Variants in SOX6 observed in about 807,000 individuals in gnomAD.
SOX6 encodes SRY-box transcription factor 6.
A neutral mutation model predicts 97.8 loss-of-function variants in SOX6; 11 were observed. The ratio of observed to expected loss-of-function variants is 0.11; its 90% CI spans 0.07 to 0.19. The LOEUF (loss-of-function observed/expected upper bound fraction) is 0.19. Among genes scored for constraint, SOX6 ranks in the 10% least tolerant of loss-of-function variants. The probability of loss-of-function intolerance (pLI) is 1.00; values close to 1 mark genes in which losing one functional copy is unlikely to be tolerated. For missense variants in SOX6, 810 were observed against 1,039.5 expected, an observed-to-expected ratio of 0.78 and a Z score of 3.04; for synonymous variants, 360 against 371.4, an observed-to-expected ratio of 0.97 and a Z score of 0.35.
At chr11:16,132,350 GA>G (rs1849786319) in intron 6 of SOX6, among the ~76,000 whole-genome samples, 3 of 53,192 alleles carry the variant, frequency 5.6e-5, no homozygotes, top group African/African-American at 2.6e-4. Flanking sequence ...AAGAAAGAAA[GA>G]AAGAAAGAAA....
chr11:16,664,968 T>C (rs768547130), intron 3 of SOX6, among the ~76,000 whole-genome samples: 1 of 151,770 alleles, frequency 6.6e-6, no homozygotes, highest in Non-Finnish European at 1.5e-5. Context: ...ACCTCATACC[T>C]TGAAGGTAAG....
chr11:16,406,448 C>T (rs1207778949), intron 1 of SOX6, among the ~76,000 whole-genome samples: 1 of 152,104 alleles, frequency 6.6e-6, no homozygotes, highest in Non-Finnish European at 1.5e-5. Flanking sequence ...TTGTGGTTGG[C>T]CTTGGCTGGG....
At chr11:16,514,512 G>T (rs1003224966) in intron 4 of SOX6, among the ~76,000 whole-genome samples, 1 of 151,718 alleles carries the variant, frequency 6.6e-6, no homozygotes, top group African/African-American at 2.4e-5. Flanking sequence ...TTATAAAATA[G>T]ATAATATATA....
Position 16,528,201 on chromosome 11 carries a change from G to A in SOX6, n.610-51813C>T, listed in dbSNP as rs571261058. Among the ~76,000 whole-genome samples, 9 of 152,112 alleles carry A rather than the reference G, an allele frequency of 5.9e-5. No homozygotes were observed. In the South Asian group the frequency reaches 1.7e-3, roughly 28 times the overall value. ...TCTAAAAGTCTGCTCATAATTACAT[G>A]GCCAAAGTCAATGGGAAGGAGGAAA... On this transcript the variant is annotated intron_variant and non_coding_transcript_variant, in intron 4 of 5. Coordinates refer to the SOX6 transcript ENST00000524520.
intron 4 of SOX6, among the ~76,000 whole-genome samples, chr11:16,510,159 T>C (rs765174987): frequency 1.3e-5 from 2 of 152,036 alleles, no homozygotes; most frequent in Non-Finnish European, 2.9e-5. Context: ...ATTCAGAAGC[T>C]GTTAATTCAC....
intron 13 of SOX6, among the ~76,000 whole-genome samples, chr11:15,992,193 C>G (rs932238898): frequency 6.6e-6 from 1 of 152,244 alleles, no homozygotes; most frequent in Admixed American, 6.5e-5. Context: ...CTTCTGTCTT[C>G]CAGAAGGAGT....
chr11:15,972,724 CA>C lies in SOX6; in HGVS notation c.*84del. 1 of 1,419,936 alleles carries C rather than the reference CA, an allele frequency of 7.0e-7. No individual in the cohort carries two copies. The highest frequency in any genetic ancestry group is 9.9e-7 in the Non-Finnish European group (1 of 1,007,192). 88.0% of individuals were successfully genotyped at this position (1,419,936 alleles called of 1,614,324 possible). A position where few individuals can be genotyped will look rare whatever the true frequency, so the allele number is the denominator to read the frequency against. ...TTCTGCTGATGTAATTGTGGAGCCA[CA>C]AATGCATGCGGGCTCTTTAATAACT... On this transcript the variant is annotated 3_prime_UTR_variant, in exon 16 of 16. Coordinates refer to ENST00000683767, the MANE Select transcript of SOX6 (RefSeq NM_001367873.1).
At chr11:16,200,920 A>G (rs779459942) in intron 4 of SOX6, among the ~76,000 whole-genome samples, 1 of 152,006 alleles carries the variant, frequency 6.6e-6, no homozygotes, top group Non-Finnish European at 1.5e-5. Flanking sequence ...AGCCTGGCCA[A>G]CATGTTGAAA....
intron 6 of SOX6, among the ~76,000 whole-genome samples, chr11:16,180,067 T>A (rs902358295): frequency 4.6e-5 from 7 of 151,556 alleles, no homozygotes; most frequent in Non-Finnish European, 1.0e-4. Context: ...ATAAAAAAAA[T>A]CTCCAGATTC....
chr11:16,046,849 T>C, intron 11 of SOX6, 148 bp from the exon 12 acceptor site: 1 of 848,354 alleles, frequency 1.2e-6, no homozygotes. Context: ...CTAATATACA[T>C]AGAACACAGA....
At chr11:16,323,513 G>A (rs545262478) in intron 2 of SOX6, among the ~76,000 whole-genome samples, 2 of 151,918 alleles carry the variant, frequency 1.3e-5, no homozygotes, top group South Asian at 4.2e-4. Flanking sequence ...CAAATCTTTG[G>A]GCATTTGTGT....
chr11:16,439,296 T>C (rs1028211619), intron 1 of SOX6, among the ~76,000 whole-genome samples: 2 of 152,146 alleles, frequency 1.3e-5, no homozygotes, highest in African/African-American at 4.8e-5. Flanking sequence ...CCAAATACAA[T>C]TCTATTTCTT....
chr11:16,683,388 T>C (rs1202703156), intron 3 of SOX6, among the ~76,000 whole-genome samples: 3 of 152,206 alleles, frequency 2.0e-5, no homozygotes, highest in South Asian at 4.1e-4. Context: ...AAAACAGATA[T>C]ATAGACCAAT....
At chr11:16,575,432 T>C (rs1472113122) in intron 4 of SOX6, among the ~76,000 whole-genome samples, 1 of 152,064 alleles carries the variant, frequency 6.6e-6, no homozygotes, top group Non-Finnish European at 1.5e-5. Context: ...CCACTAAGAA[T>C]GAATATATGC....
intron 3 of SOX6, among the ~76,000 whole-genome samples, chr11:16,703,740 T>G (rs980846517): frequency 6.6e-6 from 1 of 152,138 alleles, no homozygotes; most frequent in Non-Finnish European, 1.5e-5. Context: ...GTTTTAAAAT[T>G]TTACCCATGG....
At chr11:15,979,021 G>T in intron 15 of SOX6, among the ~76,000 whole-genome samples, 8 of 95,344 alleles carry the variant, frequency 8.4e-5, no homozygotes, top group South Asian at 3.1e-4. Context: ...ATATATAACT[G>T]CTTATTTTAT....
intron 8 of SOX6, among the ~76,000 whole-genome samples, chr11:16,097,268 A>C (rs1848821775): frequency 6.6e-6 from 1 of 151,894 alleles, no homozygotes. Flanking sequence ...TTTTATATGC[A>C]AAAGCTAATC....
chr11:16,470,977 G>A lies in SOX6; in HGVS notation c.-5+5338C>T, dbSNP rs1194323848. 4.6e-5 allele frequency among the ~76,000 whole-genome samples: 7 copies of A among 152,028 alleles called. No individual in the cohort carries two copies. In the East Asian group the frequency reaches 1.2e-3, roughly 25 times the overall value. ...AACATCAGGAAAAAGATTGCTATTA[G>A]AGACCATGAGTCAAGATAGAATTTT... On this transcript the variant is annotated intron_variant, in intron 1 of 15. Coordinates refer to the SOX6 transcript ENST00000396356.
intron 1 of SOX6, among the ~76,000 whole-genome samples, chr11:16,466,096 A>C (rs1254760209): frequency 2.6e-5 from 4 of 152,236 alleles, no homozygotes. Context: ...TATTCTTTTT[A>C]TACTGTCATT....
Sources: allele counts gnomAD v4.1 joint callset (sites outside exome capture counted in the v4.1 genomes callset), GRCh38; gene constraint gnomAD v4.1.1; transcripts MANE v1.5; gene names NCBI Gene and HGNC (gene_info 2026-07-23, HGNC 2026-07-21).